The following CHCHD6 variants were observed in gnomAD, a reference collection of about 807,000 sequenced individuals.
The protein encoded by CHCHD6 is coiled-coil-helix-coiled-coil-helix domain containing 6.
In CHCHD6, 28 loss-of-function variants were observed where a neutral mutation model predicts 32.3. The ratio of observed to expected loss-of-function variants is 0.87; its 90% CI spans 0.64 to 1.19. The LOEUF (loss-of-function observed/expected upper bound fraction) is 1.19. CHCHD6 is among the 50% of genes most tolerant of loss of function. CHCHD6 has a pLI of 0.00. For synonymous variants in CHCHD6, 122 were observed against 117.5 expected (o/e 1.04, Z -0.25); for missense variants, 333 against 307.0 (o/e 1.08, Z -0.63).
intron 7 of CHCHD6, 134 bp from the exon 8 acceptor site, chr3:126,960,062 G>A (rs1046620862): frequency 7.0e-6 from 7 of 1,000,536 alleles, no homozygotes; most frequent in Non-Finnish European, 1.1e-5. Flanking sequence ...TCACTGATGG[G>A]TCTCCAGGTG....
intron 5 of CHCHD6, among the ~76,000 whole-genome samples, chr3:126,862,273 T>C (rs1941937658): frequency 3.3e-5 from 4 of 122,656 alleles, no homozygotes; most frequent in East Asian, 2.8e-4. Context: ...CACCTCCTCC[T>C]CCTCTACCAT....
chr3:126,947,843 A>G (rs1465177575), intron 6 of CHCHD6, among the ~76,000 whole-genome samples: 1 of 152,200 alleles, frequency 6.6e-6, no homozygotes, highest in Non-Finnish European at 1.5e-5. Context: ...AGCTTTAGGA[A>G]CCGGCTCATA....
chr3:126,922,885 G>C (rs769164348), intron 6 of CHCHD6, among the ~76,000 whole-genome samples: 59 of 152,210 alleles, frequency 3.9e-4, no homozygotes, highest in Non-Finnish European at 1.0e-4. Context: ...GTAGCATATG[G>C]GAATGGAAAG....
intron 1 of CHCHD6, among the ~76,000 whole-genome samples, chr3:126,708,717 A>G (rs1319063281): frequency 6.6e-6 from 1 of 152,030 alleles, no homozygotes; most frequent in Non-Finnish European, 1.5e-5. Flanking sequence ...ACCCATTTCA[A>G]TGCTTTTTAG....
At chr3:126,871,945 A>G (rs1460251093) in intron 5 of CHCHD6, among the ~76,000 whole-genome samples, 1 of 152,134 alleles carries the variant, frequency 6.6e-6, no homozygotes, top group Non-Finnish European at 1.5e-5. Flanking sequence ...GATCACAGGC[A>G]TGAACCACCG....
chr3:126,833,028 A>G (rs1332696278), intron 4 of CHCHD6, among the ~76,000 whole-genome samples: 1 of 152,222 alleles, frequency 6.6e-6, no homozygotes, highest in African/African-American at 2.4e-5. Flanking sequence ...AGTTACGGGA[A>G]GGAATGAGGC....
At chr3:126,867,601 G>A (rs184003286) in intron 5 of CHCHD6, among the ~76,000 whole-genome samples, 5 of 152,240 alleles carry the variant, frequency 3.3e-5, no homozygotes, top group South Asian at 2.1e-4. Flanking sequence ...TGATCAGCTC[G>A]TTTGACCAGG....
intron 4 of CHCHD6, among the ~76,000 whole-genome samples, chr3:126,843,315 A>G (rs999707708): frequency 2.6e-5 from 4 of 152,114 alleles, no homozygotes; most frequent in African/African-American, 4.8e-5. Flanking sequence ...CAGTTTTTCT[A>G]TTAAGGATTT....
At chr3:126,951,127 G>A (rs1386380825) in intron 6 of CHCHD6, among the ~76,000 whole-genome samples, 1 of 152,184 alleles carries the variant, frequency 6.6e-6, no homozygotes, top group Non-Finnish European at 1.5e-5. Context: ...ATGATGGTGA[G>A]TTCTCGTGAG....
At chr3:126,773,602 C>CT (rs769256372) in intron 4 of CHCHD6, among the ~76,000 whole-genome samples, 2,875 of 89,874 alleles carry the variant, frequency 0.032, 61 homozygotes, top group African/African-American at 0.035. Flanking sequence ...TTCTGCTTTT[C>CT]TTTTTTTTTT....
intron 4 of CHCHD6, among the ~76,000 whole-genome samples, chr3:126,752,370 C>T (rs557131077): frequency 6.6e-6 from 1 of 152,318 alleles, no homozygotes; most frequent in South Asian, 2.1e-4. Flanking sequence ...TTCTGGGATC[C>T]GGTCTCTTCC....
At chr3:126,878,650 G>T (rs528958661) in intron 5 of CHCHD6, among the ~76,000 whole-genome samples, 1 of 152,234 alleles carries the variant, frequency 6.6e-6, no homozygotes, top group South Asian at 2.1e-4. Context: ...AGGATATACC[G>T]TCACTTTTGC....
chr3:126,712,051 T>C (rs1934772315), intron 1 of CHCHD6, among the ~76,000 whole-genome samples: 1 of 152,212 alleles, frequency 6.6e-6, no homozygotes, highest in African/African-American at 2.4e-5. Context: ...CTCTCTACCT[T>C]TTCCACCTCA....
At position 126,741,885 on chromosome 3, in the gene CHCHD6, A is replaced by G. The variant is rs572169983; in HGVS notation, c.411+8663A>G. Among the ~76,000 whole-genome samples the G allele has an allele frequency of 2.0e-5, 3 of 152,224 alleles. No homozygotes were observed. The South Asian group carries it at 6.2e-4, about 32-fold the overall frequency. ...TGTGGTCCTCAGGCCAGGAGGCTGTACTGTTTGAAAAGTGTACCAGGTGAT... is the reference window on the plus strand; with the variant it reads ...TGTGGTCCTCAGGCCAGGAGGCTGTGCTGTTTGAAAAGTGTACCAGGTGAT... On this transcript the variant is annotated intron_variant, in intron 4 of 7. Coordinates refer to ENST00000290913, the MANE Select transcript of CHCHD6 (RefSeq NM_032343.3).
rs141656159 is a variant in CHCHD6, at chr3:126,958,203, C to A, written c.702+652C>A. On this transcript the variant is annotated intron_variant, in intron 7 of 7. Transcript: ENST00000290913. ...TCTCTATCCTAGATAAGTCCTCCCCCTTCCCAGGTCCCGTAGCGTCCTCTG... is the reference window on the plus strand; with the variant it reads ...TCTCTATCCTAGATAAGTCCTCCCCATTCCCAGGTCCCGTAGCGTCCTCTG... Among the ~76,000 whole-genome samples the A allele has an allele frequency of 4.4e-3, 666 of 152,016 alleles. 4 individuals are homozygous for A. The highest frequency in any genetic ancestry group is 4.7e-3 in the Non-Finnish European group (319 of 67,972).
chr3:126,903,121 G>A (rs530741026), intron 5 of CHCHD6, among the ~76,000 whole-genome samples: 1 of 152,302 alleles, frequency 6.6e-6, no homozygotes, highest in South Asian at 2.1e-4. Flanking sequence ...CCGCTGTCAG[G>A]AGGACTGAGC....
chr3:126,794,527 G>T (rs1190792268), intron 4 of CHCHD6, among the ~76,000 whole-genome samples: 2 of 150,612 alleles, frequency 1.3e-5, no homozygotes, highest in Admixed American at 1.3e-4. Flanking sequence ...TTTTAAATTG[G>T]GTTCATTTCC....
chr3:126,863,637 T>TTCCACCATCACCACCTCCCCCTCC (rs1942068914), intron 5 of CHCHD6, among the ~76,000 whole-genome samples: 1 of 13,970 alleles, frequency 7.2e-5, no homozygotes, highest in Non-Finnish European at 1.4e-4. Flanking sequence ...CCTCACCCTC[T>TTCCACCATCACCACCTCCCCCTCC]TCCACCATCA....
intron 4 of CHCHD6, among the ~76,000 whole-genome samples, chr3:126,792,356 G>C (rs1233192896): frequency 6.6e-6 from 1 of 151,460 alleles, no homozygotes; most frequent in African/African-American, 2.4e-5. Context: ...ACACCAAACT[G>C]TTTTCTGTAG....
Sources: allele counts gnomAD v4.1 joint callset (sites outside exome capture counted in the v4.1 genomes callset), GRCh38; gene constraint gnomAD v4.1.1; transcripts MANE v1.5; gene names NCBI Gene and HGNC (gene_info 2026-07-23, HGNC 2026-07-21).